ITGB4: variants seen among roughly 807,000 people sequenced by gnomAD.
ITGB4 encodes integrin beta-4.
In ITGB4, 159 loss-of-function variants were observed where a neutral mutation model predicts 207.6. That is an observed-to-expected ratio of 0.77 (90% CI 0.67 to 0.87). ITGB4 has a LOEUF of 0.87. Ranked by LOEUF, ITGB4 falls within the 40% of genes least tolerant of loss-of-function variation. The probability of loss-of-function intolerance (pLI) is 0.00; values close to 1 mark genes in which losing one functional copy is unlikely to be tolerated. For synonymous variants in ITGB4, 1,020 were observed against 1,062.7 expected (o/e 0.96, Z 0.78); for missense variants, 2,278 against 2,546.8 (o/e 0.89, Z 2.27).
intron 30 of ITGB4, 75 bp from the exon 31 acceptor site, chr17:75,752,099 T>C (rs933890386): frequency 1.7e-5 from 26 of 1,501,352 alleles, no homozygotes; most frequent in Non-Finnish European, 2.4e-5. Context: ...TGCACGGCCG[T>C]CCTGCTGTGT....
intron 26 of ITGB4, among the ~76,000 whole-genome samples, chr17:75,748,631 C>T (rs1349307188): frequency 6.6e-6 from 1 of 151,800 alleles, no homozygotes; most frequent in East Asian, 1.9e-4. Context: ...GATCATGCCA[C>T]TGCACTCCAG....
In ITGB4 at chr17:75,722,503, C is replaced by T. The variant is rs1470454179; in HGVS notation, c.-11+891C>T. Reference sequence around the variant, plus strand: ...ATCCTGGGGGCTGAGGGAAGGACAGCAGGAGGGACAGGAGGGGAGGTATGT... The same window carrying T: ...ATCCTGGGGGCTGAGGGAAGGACAGTAGGAGGGACAGGAGGGGAGGTATGT... On this transcript the variant is annotated intron_variant, in intron 1 of 39. Coordinates refer to ENST00000200181, the MANE Select transcript of ITGB4 (RefSeq NM_000213.5). The surrounding 1 kb of genome is among the most constrained non-coding windows in gnomAD (Gnocchi z 6.2). 6.6e-6 allele frequency among the ~76,000 whole-genome samples: 1 copy of T among 152,154 alleles called. No homozygotes were observed. The highest frequency in any genetic ancestry group is 2.1e-4 in the South Asian group (1 of 4,830).
chr17:75,754,591 G>T lies in ITGB4; in HGVS notation c.4334G>T (p.Gly1445Val). 13 of 1,613,710 alleles carry T rather than the reference G, an allele frequency of 8.1e-6. No individual in the cohort carries two copies. Among genetic ancestry groups the T allele is most frequent in the Middle Eastern group, 1.6e-4 (1 of 6,062 alleles). Residue 1445 changes from glycine to valine, a missense_variant, in exon 34 of 40, where the codon GGC becomes GTC. Gly to Val is a moderately radical substitution (Grantham distance 109). Transcript: ENST00000200181. The stretch of plus-strand genomic sequence containing the variant: ...CCCCCTGCAGAGCACCTGGTGAATG[G>T]CCGGATGGACTTTGCCTTCCCGGGC... ...PGPPGEHLVN[G>V]RMDFAFPGST... is the part of the protein sequence containing the mutation.
rs999148175 is a variant in ITGB4, at chr17:75,750,012, C to T, written c.3317-99C>T. On this transcript the variant is annotated intron_variant, in intron 27 of 39. Transcript: ENST00000200181. This position sits in a 1 kb window ranked among gnomAD's most constrained non-coding sequence, Gnocchi z 5.5. ...CGGGTGGGCAGGTCTGAGTTGAATG[C>T]GCTGGGTAGAGCGCCCTGGGTGTTG... The T allele has an allele frequency of 2.8e-5, 41 of 1,474,818 alleles. No individual in the cohort carries two copies. The highest frequency in any genetic ancestry group is 1.7e-4 in the Middle Eastern group (1 of 5,816). The allele number at this position is 1,474,818 out of a possible 1,614,324, so 91.4% of individuals were successfully genotyped here.
chr17:75,752,234 T>C lies in ITGB4; in HGVS notation c.3854T>C (p.Ile1285Thr), dbSNP rs2061383554. The C allele has an allele frequency of 1.9e-6, 3 of 1,613,834 alleles. No individual in the cohort carries two copies. Among genetic ancestry groups the C allele is most frequent in the Non-Finnish European group, 1.7e-6 (2 of 1,180,024 alleles). ...AACCCTAAGAACCGGATGCTGCTTATTGAGAACCTTCGGGAGTCCCAGCCC... is the reference window on the plus strand; with the variant it reads ...AACCCTAAGAACCGGATGCTGCTTACTGAGAACCTTCGGGAGTCCCAGCCC... ...VDNPKNRMLL[I>T]ENLRESQPYR... The change falls in exon 31 of 40, where the codon ATT (isoleucine) becomes ACT (threonine). Residue 1285 changes from isoleucine to threonine, a missense_variant. By Grantham distance (89) the Ile-to-Thr change is moderately conservative (BLOSUM62 -1). Coordinates refer to ENST00000200181, the MANE Select transcript of ITGB4 (RefSeq NM_000213.5).
chr17:75,748,693 A>C (rs773578045), intron 26 of ITGB4, 148 bp from the exon 27 acceptor site: 28 of 634,168 alleles, frequency 4.4e-5, no homozygotes, highest in East Asian at 1.1e-4. Context: ...AACAAAAAAA[A>C]CACAAAAACC....
chr17:75,757,017 G>A lies in ITGB4; in HGVS notation c.5128G>A (p.Val1710Met), dbSNP rs747376161. The A allele has an allele frequency of 3.6e-5, 58 of 1,612,282 alleles. No homozygotes were observed. The highest frequency in any genetic ancestry group is 4.0e-5 in the Non-Finnish European group (47 of 1,179,856). ...RLTVPGLSEN[V>M]PYKFKVQART... is the part of the protein sequence containing the mutation. ...GACCGTGCCGGGCCTCAGCGAGAAC[G>A]TGCCCTACAAGTTCAAGGTGCAGGC... The change falls in exon 38 of 40, where the codon GTG (valine) becomes ATG (methionine). Residue 1710 changes from valine (V) to methionine (M), a missense_variant. By Grantham distance (21) the Val-to-Met change is conservative. Transcript: ENST00000200181.
Position 75,756,421 on chromosome 17 carries a change from C to T in ITGB4, c.4709-8C>T, listed in dbSNP as rs371797130. ...GCACTACTGTGTGCCCCCACCTGAT[C>T]CCCCCAGGTGAGCTGCATCGGCTCA... On this transcript the variant is annotated splice_polypyrimidine_tract_variant and splice_region_variant and intron_variant, in intron 35 of 39. Transcript: ENST00000200181. 5.0e-6 allele frequency: 8 copies of T among 1,611,086 alleles called. No homozygotes were observed. The South Asian group carries it at 6.6e-5, about 13-fold the overall frequency.
chr17:75,752,117 G>A (rs1455647521), intron 30 of ITGB4, 57 bp from the exon 31 acceptor site: 2 of 1,560,058 alleles, frequency 1.3e-6, no homozygotes. Context: ...TGTCAGGGGT[G>A]GTGTTGGGAC....
At position 75,727,860 on chromosome 17, in the gene ITGB4, G is replaced by A. The variant is rs141369871; in HGVS notation, c.469+5G>A. The A allele has an allele frequency of 7.6e-5, 122 of 1,613,388 alleles. 1 individual carries two copies. The African/African-American group carries it at 8.8e-4, about 12-fold the overall frequency. On this transcript the variant is annotated splice_donor_5th_base_variant and intron_variant, in intron 5 of 39. Transcript: ENST00000200181. The surrounding 1 kb of genome is among the most constrained non-coding windows in gnomAD (Gnocchi z 6.0). ...AGAAGATGGGGCAGAACCTGGGTAC[G>A]GCAGGGCCAGAGTGGAGGACAGCAG...
Position 75,741,019 on chromosome 17 carries a change from T to C in ITGB4, c.2633+14T>C. 4 of 1,612,196 alleles carry C rather than the reference T, an allele frequency of 2.5e-6. No homozygotes were observed. Among genetic ancestry groups the C allele is most frequent in the Non-Finnish European group, 3.4e-6 (4 of 1,179,888 alleles). ...TGCCGGGAAAAAGTGAGTAGAAGAC[T>C]CGTGGGTGAGAGGGCCCCCACTTCC... On this transcript the variant is annotated intron_variant, in intron 23 of 39. Transcript: ENST00000200181.
intron 8 of ITGB4, 33 bp from the exon 9 acceptor site, chr17:75,730,842 G>A (rs1442393259): frequency 6.5e-7 from 1 of 1,539,124 alleles, no homozygotes; most frequent in Admixed American, 1.7e-5. Context: ...TCATGGAGAT[G>A]CTTAGCCTGA....
chr17:75,741,192 T>A lies in ITGB4; in HGVS notation c.2633+187T>A. The stretch of plus-strand genomic sequence containing the variant: ...TTCAACAAATGCTAATGTGAAGTGC[T>A]TGCTATGAAGTGGCCCCTGGACTAG... On this transcript the variant is annotated intron_variant, in intron 23 of 39. Coordinates refer to ENST00000200181, the MANE Select transcript of ITGB4 (RefSeq NM_000213.5). The A allele has an allele frequency of 4.1e-6, 3 of 733,994 alleles. No individual in the cohort carries two copies. The South Asian group carries it at 4.9e-5, about 12-fold the overall frequency. 45.5% of individuals were successfully genotyped at this position (733,994 alleles called of 1,614,324 possible).
chr17:75,755,262 G>A, intron 34 of ITGB4: 4 of 1,571,016 alleles, frequency 2.5e-6, no homozygotes, highest in Non-Finnish European at 3.5e-6. Flanking sequence ...TGCTCCATCT[G>A]TCATCCAGCC....
chr17:75,731,023 A>T lies in ITGB4; in HGVS notation c.1092+59A>T. The T allele has an allele frequency of 1.3e-6, 2 of 1,508,832 alleles. No homozygotes were observed. Among genetic ancestry groups the T allele is most frequent in the Non-Finnish European group, 1.8e-6 (2 of 1,086,072 alleles). The allele number at this position is 1,508,832 out of a possible 1,614,324, so 93.5% of individuals were successfully genotyped here. A position where few individuals can be genotyped will look rare whatever the true frequency, so the allele number is the denominator to read the frequency against. On this transcript the variant is annotated intron_variant, in intron 9 of 39. Transcript: ENST00000200181. The surrounding 1 kb of genome is among the most constrained non-coding windows in gnomAD (Gnocchi z 6.8). Reference sequence around the variant, plus strand: ...TTCTGGGGCAGGGCAGGAAGTGGGCAGGGTGGGCAAGAGGTGTCTTGGATC... The same window carrying T: ...TTCTGGGGCAGGGCAGGAAGTGGGCTGGGTGGGCAAGAGGTGTCTTGGATC...
rs1030210763 is a variant in ITGB4 at position 75,737,662 on chromosome 17, C to A, written c.2220+18C>A. On this transcript the variant is annotated intron_variant, in intron 18 of 39. Coordinates refer to ENST00000200181, the MANE Select transcript of ITGB4 (RefSeq NM_000213.5). ...GCTGCAAGGTGAGCACCCAGGGTGC[C>A]TCCCAAGGCCCCACATCCCAGGGTC... 4.4e-6 allele frequency: 7 copies of A among 1,604,352 alleles called. No homozygotes were observed. Among genetic ancestry groups the A allele is most frequent in the Non-Finnish European group, 6.0e-6 (7 of 1,174,240 alleles).
rs775938419 is a variant in ITGB4 at position 75,727,326 on chromosome 17, G to C, written c.162+49G>C. 1.2e-6 allele frequency: 2 copies of C among 1,612,716 alleles called. No homozygotes were observed. The highest frequency in any genetic ancestry group is 1.1e-5 in the South Asian group (1 of 90,954). On this transcript the variant is annotated intron_variant, in intron 3 of 39. Transcript: ENST00000200181. This position sits in a 1 kb window ranked among gnomAD's most constrained non-coding sequence, Gnocchi z 6.0. ...GTGGAACAGGCAAGGGTCGGGAATA[G>C]CTGGTGGAAATGAATCTAGGGTTGG...
At chr17:75,733,916 A>C (rs1273849509) in intron 13 of ITGB4, among the ~76,000 whole-genome samples, 1 of 152,150 alleles carries the variant, frequency 6.6e-6, no homozygotes, top group Non-Finnish European at 1.5e-5. Flanking sequence ...CACTGTTGGC[A>C]GGACTTTCCC....
chr17:75,751,997 C>T, intron 30 of ITGB4, 177 bp from the exon 31 acceptor site: 1 of 766,418 alleles, frequency 1.3e-6, no homozygotes, highest in Non-Finnish European at 2.4e-6. Context: ...ATGTCCACGC[C>T]AGTCATGCTG....
Sources: allele counts gnomAD v4.1 joint callset (sites outside exome capture counted in the v4.1 genomes callset), GRCh38; gene constraint gnomAD v4.1.1; non-coding constraint Gnocchi (gnomAD v3.1); transcripts MANE v1.5; gene names NCBI Gene and HGNC (gene_info 2026-07-23, HGNC 2026-07-21).